FRMD4A: variants seen among roughly 807,000 people sequenced by gnomAD.
FRMD4A encodes FERM domain-containing protein 4A.
Under a neutral mutation model 129.1 loss-of-function variants are expected in FRMD4A, and 29 were observed. The observed-to-expected ratio is 0.22, with a 90% CI of 0.17 to 0.31. The LOEUF (loss-of-function observed/expected upper bound fraction) is 0.31, where lower values mean the gene tolerates loss of function less well. Among genes scored for constraint, FRMD4A ranks in the 10% least tolerant of loss-of-function variants. The probability of loss-of-function intolerance (pLI) is 1.00; values close to 1 mark genes in which losing one functional copy is unlikely to be tolerated. For synonymous variants in FRMD4A, 634 were observed against 571.6 expected (o/e 1.11, Z -1.56); for missense variants, 1,272 against 1,375.8 (o/e 0.92, Z 1.19).
rs371838006 is a variant in FRMD4A, at chr10:13,776,796, G to A, written c.384+6126C>T. Among the ~76,000 whole-genome samples the A allele has an allele frequency of 3.5e-4, 53 of 152,294 alleles. 2 individuals are homozygous for A. Among genetic ancestry groups the A allele is most frequent in the African/African-American group, 1.1e-3 (47 of 41,566 alleles). ...CTACGCTGGGTAAACCCAGGCATCCGGGTATCAGCATCGGGATGGGTTATC... is the reference window on the plus strand; with the variant it reads ...CTACGCTGGGTAAACCCAGGCATCCAGGTATCAGCATCGGGATGGGTTATC... On this transcript the variant is annotated intron_variant, in intron 6 of 24. Coordinates refer to ENST00000357447, the MANE Select transcript of FRMD4A (RefSeq NM_018027.5).
At chr10:14,127,966 CTTTCTTTCT>C (rs1838964331) in intron 2 of FRMD4A, among the ~76,000 whole-genome samples, 3 of 55,662 alleles carry the variant, frequency 5.4e-5, no homozygotes, top group East Asian at 7.8e-4. Context: ...TTCTTTCTTT[CTTTCTTTCT>C]TTCCTTCTCT....
intron 2 of FRMD4A, among the ~76,000 whole-genome samples, chr10:14,268,941 T>C (rs1564429239): frequency 6.6e-6 from 1 of 152,236 alleles, no homozygotes; most frequent in East Asian, 1.9e-4. Flanking sequence ...TGGGTAATGA[T>C]TACCCACTAA....
intron 2 of FRMD4A, among the ~76,000 whole-genome samples, chr10:14,009,679 G>A (rs77070803): frequency 0.011 from 1,627 of 152,340 alleles, 28 homozygotes; most frequent in African/African-American, 0.036. Flanking sequence ...CAGCCCTCCA[G>A]CGCAGACACA....
intron 3 of FRMD4A, among the ~76,000 whole-genome samples, chr10:13,813,306 G>T (rs2093480858): frequency 6.6e-6 from 1 of 152,196 alleles, no homozygotes; most frequent in Non-Finnish European, 1.5e-5. Flanking sequence ...TTAGCCAGGC[G>T]TGGTGGCGTG....
intron 2 of FRMD4A, among the ~76,000 whole-genome samples, chr10:14,054,316 G>C (rs556509783): frequency 1.3e-5 from 2 of 152,120 alleles, no homozygotes; most frequent in South Asian, 4.1e-4. Flanking sequence ...ACCCTGGAGA[G>C]GTCACCTCCC....
intron 6 of FRMD4A, among the ~76,000 whole-genome samples, chr10:13,781,306 T>TAAAAAAA (rs1253732948): frequency 1.0e-3 from 82 of 79,000 alleles, no homozygotes; most frequent in Non-Finnish European, 1.1e-3. Flanking sequence ...TCTTAAAAAT[T>TAAAAAAA]AAAAAAAAAA....
intron 2 of FRMD4A, among the ~76,000 whole-genome samples, chr10:13,908,334 A>T (rs912643225): frequency 1.3e-5 from 2 of 152,192 alleles, no homozygotes; most frequent in African/African-American, 4.8e-5. Flanking sequence ...CCCTCCCCAG[A>T]AGGTGATAGT....
intron 2 of FRMD4A, among the ~76,000 whole-genome samples, chr10:13,909,720 T>G (rs914677718): frequency 1.3e-5 from 2 of 152,184 alleles, no homozygotes; most frequent in Non-Finnish European, 2.9e-5. Context: ...ATAAAAAATT[T>G]TGAAGAAAAA....
intron 2 of FRMD4A, among the ~76,000 whole-genome samples, chr10:14,068,903 TCTCC>T (rs1835188713): frequency 7.1e-6 from 1 of 139,864 alleles, no homozygotes; most frequent in African/African-American, 2.6e-5. Flanking sequence ...TCTCTTTCTC[TCTCC>T]CTCCCTCCCT....
Position 14,194,455 on chromosome 10 carries a change from C to CA in FRMD4A, c.45+135602dup, listed in dbSNP as rs558682261. ...GAAACCCCGTCTCTACTAAAAAATACAAAAAATTAGCCGGGCGTGGTGGCA... is the reference window on the plus strand; with the variant it reads ...GAAACCCCGTCTCTACTAAAAAATACAAAAAAATTAGCCGGGCGTGGTGGCA... On this transcript the variant is annotated intron_variant, in intron 2 of 24. Coordinates refer to ENST00000357447, the MANE Select transcript of FRMD4A (RefSeq NM_018027.5). Among the ~76,000 whole-genome samples the CA allele has an allele frequency of 1.4e-4, 21 of 152,246 alleles. No individual in the cohort carries two copies. In the South Asian group the frequency reaches 4.4e-3, roughly 32 times the overall value.
intron 2 of FRMD4A, among the ~76,000 whole-genome samples, chr10:14,109,447 AG>A (rs1332877246): frequency 1.3e-5 from 2 of 152,226 alleles, no homozygotes; most frequent in Admixed American, 1.3e-4. Context: ...TACACGAAAA[AG>A]GCAACAGATA....
intron 2 of FRMD4A, among the ~76,000 whole-genome samples, chr10:13,986,371 A>G (rs925165570): frequency 6.6e-6 from 1 of 151,348 alleles, no homozygotes; most frequent in African/African-American, 2.4e-5. Flanking sequence ...ATTGGAAATC[A>G]TCATTCTCAG....
At chr10:14,200,775 C>CT (rs964823269) in intron 2 of FRMD4A, among the ~76,000 whole-genome samples, 61 of 152,268 alleles carry the variant, frequency 4.0e-4, no homozygotes, top group African/African-American at 1.4e-3. Flanking sequence ...CTTCCAGGCG[C>CT]TTTTTTCCGG....
intron 2 of FRMD4A, among the ~76,000 whole-genome samples, chr10:14,325,618 T>C (rs1843243262): frequency 6.6e-6 from 1 of 152,262 alleles, no homozygotes; most frequent in South Asian, 2.1e-4. Context: ...GAAGACGTCC[T>C]GTAAATTTCT....
chr10:14,077,600 C>A (rs1363041058), intron 2 of FRMD4A, among the ~76,000 whole-genome samples: 2 of 152,100 alleles, frequency 1.3e-5, no homozygotes, highest in Non-Finnish European at 2.9e-5. Context: ...CCTTGCCCTG[C>A]TATTAAGAGG....
intron 14 of FRMD4A, among the ~76,000 whole-genome samples, chr10:13,698,484 T>A (rs2086453679): frequency 6.6e-6 from 1 of 152,226 alleles, no homozygotes. Context: ...ATAAAGAACA[T>A]TCCAGAAACA....
intron 9 of FRMD4A, among the ~76,000 whole-genome samples, chr10:13,743,230 C>T (rs1385483384): frequency 6.6e-6 from 1 of 152,150 alleles, no homozygotes. Flanking sequence ...ACAAGGTCGT[C>T]TCCTGAAGAC....
intron 2 of FRMD4A, among the ~76,000 whole-genome samples, chr10:14,053,400 G>A (rs1439816400): frequency 3.3e-5 from 5 of 152,118 alleles, no homozygotes; most frequent in African/African-American, 1.2e-4. Context: ...GGGGCACCTT[G>A]TGCAGCCTGA....
intron 12 of FRMD4A, among the ~76,000 whole-genome samples, chr10:13,720,356 T>G (rs7901483): frequency 1.3e-5 from 2 of 152,094 alleles, no homozygotes; most frequent in African/African-American, 4.8e-5. Context: ...GCCCCAGTTA[T>G]GTTCTTAAAG....
Sources: allele counts gnomAD v4.1 joint callset (sites outside exome capture counted in the v4.1 genomes callset), GRCh38; gene constraint gnomAD v4.1.1; transcripts MANE v1.5; gene names NCBI Gene and HGNC (gene_info 2026-07-23, HGNC 2026-07-21).